Variants in D2HGDH observed in about 807,000 individuals in gnomAD.
D2HGDH encodes D-2-hydroxyglutarate dehydrogenase, mitochondrial.
A neutral mutation model predicts 46.9 loss-of-function variants in D2HGDH; 31 were observed. The observed-to-expected ratio is 0.66, with a 90% CI of 0.50 to 0.89. The LOEUF (loss-of-function observed/expected upper bound fraction) is 0.89. D2HGDH is among the 40% of genes least tolerant of loss of function. D2HGDH has a pLI of 0.00. For missense variants in D2HGDH, 698 were observed against 720.8 expected (o/e 0.97, Z 0.36); for synonymous variants, 364 against 332.6 (o/e 1.09, Z -1.03).
chr2:241,734,930 G>A, intron 1 of D2HGDH: 1 of 377,144 alleles, frequency 2.7e-6, no homozygotes, highest in Non-Finnish European at 4.8e-6. Context: ...TCCCGGCGAG[G>A]CCGCCCCGAG....
chr2:241,739,910 T>C (rs1693983678), intron 2 of D2HGDH, among the ~76,000 whole-genome samples: 1 of 152,160 alleles, frequency 6.6e-6, no homozygotes, highest in Non-Finnish European at 1.5e-5. Flanking sequence ...TTAGGGAGGC[T>C]GAGGTGGGTG....
chr2:241,760,065 C>CAAT (rs1553612377), intron 9 of D2HGDH, among the ~76,000 whole-genome samples: 1 of 86,264 alleles, frequency 1.2e-5, no homozygotes, highest in Non-Finnish European at 2.4e-5. Context: ...TGGGCCTTAC[C>CAAT]CAGTCGAAGG....
rs547229491 is a variant in D2HGDH, at chr2:241,744,204, G to C, written c.684+389G>C. ...CTGTTTACCCGCACCCTCACCAGCC[G>C]AGTGTCACAGGCAGAGCTCTCTGTC... is the stretch of plus-strand genomic sequence containing the variant. On this transcript the variant is annotated intron_variant, in intron 5 of 9. Coordinates refer to ENST00000321264, the MANE Select transcript of D2HGDH (RefSeq NM_152783.5). Among the ~76,000 whole-genome samples the C allele has an allele frequency of 2.0e-5, 3 of 152,326 alleles. No individual in the cohort carries two copies. In the South Asian group the frequency reaches 6.2e-4, roughly 32 times the overall value.
At chr2:241,749,173 C>T (rs1559375812) in intron 6 of D2HGDH, 1 of 833,856 alleles carries the variant, frequency 1.2e-6, no homozygotes, top group Non-Finnish European at 1.6e-6. Context: ...ATGCCCAGTC[C>T]CCACCGCCAG....
Position 241,743,791 on chromosome 2 carries a change from T to A in D2HGDH, c.660T>A (p.His220Gln). ...GGTTTCTTCGATATGGCTCACTGCA[T>A]GGGACTGTCCTGGGCCTGGAAGTGG... Reference protein sequence around the residue: ...GLRFLRYGSLHGTVLGLEVVL... With the variant: ...GLRFLRYGSLQGTVLGLEVVL... Residue 220 changes from histidine to glutamine, a missense_variant, in exon 5 of 10, where the codon CAT becomes CAA. His to Gln is a conservative substitution (Grantham distance 24). Coordinates refer to ENST00000321264, the MANE Select transcript of D2HGDH (RefSeq NM_152783.5). The surrounding 1 kb of genome is among the most constrained non-coding windows in gnomAD (Gnocchi z 4.8). The A allele has an allele frequency of 1.2e-6, 2 of 1,606,466 alleles. No individual in the cohort carries two copies. The highest frequency in any genetic ancestry group is 1.7e-6 in the Non-Finnish European group (2 of 1,176,992).
In D2HGDH at chr2:241,768,374, C is replaced by CG. The variant is rs113265004; in HGVS notation, c.*411dup. ...TCGTTCCCCGGGCATGCGTGGGCAG[C>CG]GGGGGGCATGCGTGGGCAGCAGGGG... On this transcript the variant is annotated 3_prime_UTR_variant, in exon 10 of 10. Transcript: ENST00000321264. 2.3e-3 allele frequency: 439 copies of CG among 193,744 alleles called. 1 individual carries two copies. The highest frequency in any genetic ancestry group is 9.9e-3 in the African/African-American group (418 of 42,082). 12.0% of individuals were successfully genotyped at this position (193,744 alleles called of 1,614,324 possible).
At chr2:241,759,180 C>T (rs1698505040) in intron 9 of D2HGDH, among the ~76,000 whole-genome samples, 1 of 152,108 alleles carries the variant, frequency 6.6e-6, no homozygotes, top group Non-Finnish European at 1.5e-5. Flanking sequence ...TCTGCAGTTG[C>T]TGGAATCAGT....
chr2:241,759,411 C>G (rs892318578), intron 9 of D2HGDH, among the ~76,000 whole-genome samples: 8 of 152,224 alleles, frequency 5.3e-5, no homozygotes, highest in Non-Finnish European at 1.2e-4. Context: ...TGGACTCGCT[C>G]TTTATCTCCA....
Position 241,768,088 on chromosome 2 carries a change from A to G in D2HGDH, c.*119A>G. On this transcript the variant is annotated 3_prime_UTR_variant, in exon 10 of 10. Transcript: ENST00000321264. The stretch of plus-strand genomic sequence containing the variant: ...GGGCAGGGGACCAGGCACCTGGTTG[A>G]AGGGACTGGGAGCCCGCACTGGGGA... 1.4e-6 allele frequency: 2 copies of G among 1,407,662 alleles called. No homozygotes were observed. Among genetic ancestry groups the G allele is most frequent in the Non-Finnish European group, 1.9e-6 (2 of 1,060,036 alleles). The allele number at this position is 1,407,662 out of a possible 1,614,324, so 87.2% of individuals were successfully genotyped here. A position where few individuals can be genotyped will look rare whatever the true frequency, so the allele number is the denominator to read the frequency against.
intron 6 of D2HGDH, 144 bp downstream of exon 6, chr2:241,745,021 C>T: frequency 1.7e-6 from 2 of 1,143,634 alleles, no homozygotes; most frequent in Middle Eastern, 4.7e-4. Flanking sequence ...ATCTCTGCTT[C>T]CAAAGGAATC....
intron 8 of D2HGDH, chr2:241,754,942 T>C (rs1697920020): frequency 1.8e-6 from 2 of 1,120,134 alleles, no homozygotes; most frequent in Non-Finnish European, 2.3e-6. Context: ...ATAGGGTCTC[T>C]GGAGGGGCAG....
At chr2:241,744,125 C>T (rs1246191066) in intron 5 of D2HGDH, among the ~76,000 whole-genome samples, 1 of 152,172 alleles carries the variant, frequency 6.6e-6, no homozygotes, top group Admixed American at 6.5e-5. Flanking sequence ...AAGGAAGGCT[C>T]ATCCAGGGTC....
intron 6 of D2HGDH, chr2:241,748,774 A>G: frequency 9.2e-7 from 1 of 1,087,908 alleles, no homozygotes; most frequent in Non-Finnish European, 1.1e-6. Flanking sequence ...GCTTCTGCCG[A>G]CTTACTCTCT....
chr2:241,736,757 C>T (rs957524593), intron 2 of D2HGDH, among the ~76,000 whole-genome samples: 6 of 152,050 alleles, frequency 3.9e-5, no homozygotes, highest in Non-Finnish European at 8.8e-5. Flanking sequence ...GCGACCTTCC[C>T]CTCCTGGGTG....
chr2:241,744,926 T>A, intron 6 of D2HGDH, 49 bp downstream of exon 6: 2 of 1,611,736 alleles, frequency 1.2e-6, no homozygotes, highest in African/African-American at 1.3e-5. Context: ...GGCTCGAGCG[T>A]CTGCTCTGAT....
chr2:241,760,200 G>A (rs2125166983), intron 9 of D2HGDH, among the ~76,000 whole-genome samples: 1 of 49,718 alleles, frequency 2.0e-5, no homozygotes, highest in Non-Finnish European at 3.7e-5. Flanking sequence ...CCAATCAGTC[G>A]AAGGACTTCG....
chr2:241,751,492 T>C, intron 8 of D2HGDH, 104 bp downstream of exon 8: 3 of 1,528,436 alleles, frequency 2.0e-6, no homozygotes, highest in Non-Finnish European at 2.7e-6. Flanking sequence ...CAGTGTGGGA[T>C]GTGGCTGAAA....
Position 241,767,791 on chromosome 2 carries a change from A to C in D2HGDH, c.1388A>C (p.Glu463Ala). 1 of 1,612,232 alleles carries C rather than the reference A, an allele frequency of 6.2e-7. No homozygotes were observed. Among genetic ancestry groups the C allele is most frequent in the Non-Finnish European group, 8.5e-7 (1 of 1,179,498 alleles). ...GCTGCCCTGGAGCCCCACGTGTACGAGTGGACGGCCGGGCAGCAGGGCAGC... is the reference window on the plus strand; with the variant it reads ...GCTGCCCTGGAGCCCCACGTGTACGCGTGGACGGCCGGGCAGCAGGGCAGC... ...LLAALEPHVY[E>A]WTAGQQGSVS... The change falls in exon 10 of 10, where the codon GAG (glutamate) becomes GCG (alanine). Residue 463 changes from glutamate to alanine, a missense_variant. Coordinates refer to ENST00000321264, the MANE Select transcript of D2HGDH (RefSeq NM_152783.5).
chr2:241,737,290 C>T (rs1050928126), intron 2 of D2HGDH, among the ~76,000 whole-genome samples: 2 of 152,182 alleles, frequency 1.3e-5, no homozygotes, highest in Non-Finnish European at 2.9e-5. Context: ...AAATAAGGTC[C>T]CATTCACAGG....
Sources: gnomAD v4.1 joint callset for allele counts (sites outside exome capture counted in the v4.1 genomes callset) on GRCh38, gnomAD v4.1.1 for gene constraint, Gnocchi (gnomAD v3.1) non-coding constraint, MANE v1.5 for transcripts, NCBI Gene and HGNC (gene_info 2026-07-23, HGNC 2026-07-21) for gene names.